Variants in APOL1 observed in about 807,000 individuals in gnomAD.
The protein encoded by APOL1 is apolipoprotein L1.
A neutral mutation model predicts 14.9 loss-of-function variants in APOL1; 17 were observed. The ratio of observed to expected loss-of-function variants is 1.14; its 90% confidence interval spans 0.78 to 1.71. The LOEUF (loss-of-function observed/expected upper bound fraction) is 1.71, where lower values mean the gene tolerates loss of function less well. APOL1 is among the 40% of genes most tolerant of loss of function. APOL1 has a pLI of 0.00. For missense variants in APOL1, 523 were observed against 485.9 expected (o/e 1.08, Z -0.72); for synonymous variants, 195 against 184.8 (o/e 1.05, Z -0.45).
intron 1 of APOL1, chr22:36,254,117 G>T: frequency 9.6e-7 from 1 of 1,040,960 alleles, no homozygotes; most frequent in Non-Finnish European, 1.4e-6. Context: ...AAGGGCAGAT[G>T]TTGGCCTCCC....
At chr22:36,263,617 C>T (rs372435073) in intron 5 of APOL1, among the ~76,000 whole-genome samples, 2 of 152,248 alleles carry the variant, frequency 1.3e-5, no homozygotes, top group Admixed American at 6.5e-5. Flanking sequence ...GTCCTCAGGA[C>T]GCTGTGTTCT....
At chr22:36,253,862 C>G in intron 1 of APOL1, 4 of 1,430,838 alleles carry the variant, frequency 2.8e-6, no homozygotes, top group South Asian at 1.2e-5. Flanking sequence ...GGAGAAGAAA[C>G]AGGCTGTGCT....
chr22:36,261,132 T>C (rs1396946291), intron 4 of APOL1, among the ~76,000 whole-genome samples: 2 of 152,190 alleles, frequency 1.3e-5, no homozygotes, highest in African/African-American at 4.8e-5. Context: ...TAGTAAAATA[T>C]CACAGGCTGG....
intron 1 of APOL1, among the ~76,000 whole-genome samples, chr22:36,253,655 G>A (rs1332068041): frequency 6.6e-6 from 1 of 152,156 alleles, no homozygotes; most frequent in East Asian, 1.9e-4. Context: ...TTTTTTTTCA[G>A]GTACAAGGAG....
rs147347199 is a variant in APOL1, at chr22:36,253,942, C to T, written c.-20+723C>T. On this transcript the variant is annotated intron_variant, in intron 1 of 5. Coordinates refer to ENST00000397278, the MANE Select transcript of APOL1 (RefSeq NM_003661.4). ...GTGCGTTGCAGAATGGTGCCTGTGG[C>T]ATGATGCCAGCTTTGCAATCATGAG... 6 of 1,613,976 alleles carry T rather than the reference C, an allele frequency of 3.7e-6. No individual in the cohort carries two copies. The African/African-American group carries it at 4.0e-5, about 11-fold the overall frequency.
chr22:36,256,969 G>A (rs745653969), intron 2 of APOL1, 114 bp from the exon 3 acceptor site: 6 of 1,135,692 alleles, frequency 5.3e-6, no homozygotes, highest in Non-Finnish European at 7.7e-6. Context: ...CCCAGGCCCT[G>A]GTCATTGTCA....
At position 36,265,552 on chromosome 22, in the gene APOL1, A is replaced by G. The variant is rs1569534134; in HGVS notation, c.716A>G (p.Gln239Arg). The G allele has an allele frequency of 6.2e-7, 1 of 1,606,428 alleles. No homozygotes were observed. The highest frequency in any genetic ancestry group is 8.5e-7 in the Non-Finnish European group (1 of 1,176,210). Residue 239 changes from glutamine (Q) to arginine (R), a missense_variant, in exon 6 of 6, where the codon CAA becomes CGA. Gln to Arg is a conservative substitution (Grantham distance 43). Transcript: ENST00000397278. ...GGAAAGAAGTGGTGGACACAAGCCC[A>G]AGCCCACGACCTGGTCATCAAAAGC... is the stretch of plus-strand genomic sequence containing the variant. ...DYGKKWWTQA[Q>R]AHDLVIKSLD...
At chr22:36,261,012 C>G (rs1303432494) in intron 4 of APOL1, among the ~76,000 whole-genome samples, 1 of 152,220 alleles carries the variant, frequency 6.6e-6, no homozygotes, top group Non-Finnish European at 1.5e-5. Flanking sequence ...GATGTTTCCA[C>G]TTCCTTGGCC....
In APOL1 at chr22:36,261,742, C is replaced by T; in HGVS notation, c.314+20C>T. 1 of 1,607,308 alleles carries T rather than the reference C, an allele frequency of 6.2e-7. No homozygotes were observed. Among genetic ancestry groups the T allele is most frequent in the Non-Finnish European group, 8.5e-7 (1 of 1,175,054 alleles). On this transcript the variant is annotated intron_variant, in intron 5 of 5. Coordinates refer to ENST00000397278, the MANE Select transcript of APOL1 (RefSeq NM_003661.4). Reference sequence around the variant, plus strand: ...GCCCAGGTAAGCTCCATGGGGTTACCTCCATTGGGCACTCCGGCGATGCCA... The same window carrying T: ...GCCCAGGTAAGCTCCATGGGGTTACTTCCATTGGGCACTCCGGCGATGCCA...
In APOL1 at chr22:36,253,978, C is replaced by T. The variant is rs1290158241; in HGVS notation, c.-20+759C>T. ...CTTTGCAATCATGAGATTCAAAAGC[C>T]ACACTGTGGAATTGTGAGTATAACT... On this transcript the variant is annotated intron_variant, in intron 1 of 5. Transcript: ENST00000397278. 1.9e-6 allele frequency: 3 copies of T among 1,614,062 alleles called. No individual in the cohort carries two copies. In the African/African-American group the frequency reaches 4.0e-5, roughly 22 times the overall value.
intron 4 of APOL1, among the ~76,000 whole-genome samples, chr22:36,258,858 G>A (rs1430831333): frequency 6.6e-6 from 1 of 152,094 alleles, no homozygotes; most frequent in East Asian, 1.9e-4. Flanking sequence ...AGACAAGGAG[G>A]GTATGATTGA....
intron 2 of APOL1, among the ~76,000 whole-genome samples, chr22:36,256,851 C>T (rs2015897224): frequency 6.6e-6 from 1 of 152,196 alleles, no homozygotes; most frequent in African/African-American, 2.4e-5. Context: ...AAGTGGTACC[C>T]ATCTCCTGGC....
intron 1 of APOL1, 159 bp from the exon 2 acceptor site, chr22:36,254,778 G>T (rs2015804240): frequency 1.2e-6 from 1 of 828,310 alleles, no homozygotes; most frequent in South Asian, 1.6e-5. Flanking sequence ...CAGGAGAATG[G>T]CGTGAACCCG....
intron 4 of APOL1, among the ~76,000 whole-genome samples, chr22:36,258,151 C>A (rs1463276660): frequency 6.6e-6 from 1 of 152,214 alleles, no homozygotes; most frequent in East Asian, 1.9e-4. Context: ...CCACCCCGTC[C>A]CCCCCCAGCT....
chr22:36,265,749 C>G lies in APOL1; in HGVS notation c.913C>G (p.Arg305Gly). 6.2e-7 allele frequency: 1 copy of G among 1,614,150 alleles called. No individual in the cohort carries two copies. The highest frequency in any genetic ancestry group is 8.5e-7 in the Non-Finnish European group (1 of 1,180,020). The part of the protein sequence containing the change: ...SVPHASASRP[R>G]VTEPISAESG... ...ACCGCATGCCTCAGCCTCACGCCCC[C>G]GGGTCACTGAGCCAATCTCAGCTGA... Residue 305 changes from arginine to glycine, a missense_variant, in exon 6 of 6, where the codon CGG (arginine) becomes GGG (glycine). Arg to Gly is a moderately radical substitution (Grantham distance 125). Transcript: ENST00000397278.
Position 36,265,921 on chromosome 22 carries a change from G to A in APOL1, c.1085G>A (p.Gly362Glu), listed in dbSNP as rs754911687. 8.1e-6 allele frequency: 13 copies of A among 1,614,146 alleles called. No homozygotes were observed. The Admixed American group carries it at 1.2e-4, about 14-fold the overall frequency. The change falls in exon 6 of 6, where the codon GGG becomes GAG. Residue 362 changes from glycine (G) to glutamate (E), a missense_variant. Gly to Glu is a moderately conservative substitution (Grantham distance 98). Transcript: ENST00000397278. Reference protein sequence around the residue: ...LVYESKHLHEGAKSETAEELK... With the variant: ...LVYESKHLHEEAKSETAEELK... ...TACGAATCAAAGCACTTACATGAGGGGGCAAAGTCAGAGACAGCTGAGGAG... is the reference window on the plus strand; with the variant it reads ...TACGAATCAAAGCACTTACATGAGGAGGCAAAGTCAGAGACAGCTGAGGAG...
chr22:36,255,576 A>G (rs2015846821), intron 2 of APOL1, among the ~76,000 whole-genome samples: 1 of 149,800 alleles, frequency 6.7e-6, no homozygotes, highest in African/African-American at 2.5e-5. Context: ...CAGAAGACAA[A>G]CATCTGTGTG....
At chr22:36,260,535 G>A (rs1053088279) in intron 4 of APOL1, among the ~76,000 whole-genome samples, 2 of 152,334 alleles carry the variant, frequency 1.3e-5, no homozygotes, top group African/African-American at 4.8e-5. Flanking sequence ...CAAACCACAC[G>A]TTTTGGTGGC....
At chr22:36,257,290 A>C (rs753641693) in intron 3 of APOL1, 29 bp from the exon 4 acceptor site, 1 of 1,611,750 alleles carries the variant, frequency 6.2e-7, no homozygotes. Context: ...CTCACATTTG[A>C]TCCCACAATT....
Sources: gnomAD v4.1 joint callset for allele counts (sites outside exome capture counted in the v4.1 genomes callset) on GRCh38, gnomAD v4.1.1 for gene constraint, MANE v1.5 for transcripts, NCBI Gene and HGNC (gene_info 2026-07-23, HGNC 2026-07-21) for gene names.